The following FOXN3 variants were observed in gnomAD, a reference collection of about 807,000 sequenced individuals.
The protein encoded by FOXN3 is forkhead box protein N3.
Under a neutral mutation model 38.4 loss-of-function variants are expected in FOXN3, and 7 were observed. That is an observed-to-expected ratio of 0.18 (90% CI 0.10 to 0.34). The LOEUF (loss-of-function observed/expected upper bound fraction) is 0.34. FOXN3 is among the 10% of genes least tolerant of loss of function. The pLI is 1.00. For synonymous variants in FOXN3, 230 were observed against 242.2 expected (o/e 0.95, Z 0.47); for missense variants, 456 against 613.4 (o/e 0.74, Z 2.71).
At chr14:89,340,483 G>A (rs1032186035) in intron 3 of FOXN3, among the ~76,000 whole-genome samples, 1 of 152,090 alleles carries the variant, frequency 6.6e-6, no homozygotes, top group African/African-American at 2.4e-5. Flanking sequence ...TGCTTCCCAC[G>A]CTCTTTCCGT....
rs566079794 is a variant in FOXN3 at position 89,484,985 on chromosome 14, C to A, written c.-14-72495G>T. Among the ~76,000 whole-genome samples the A allele has an allele frequency of 9.0e-4, 137 of 152,124 alleles. No homozygotes were observed. The highest frequency in any genetic ancestry group is 3.2e-3 in the African/African-American group (134 of 41,490). On this transcript the variant is annotated intron_variant, in intron 1 of 6. Transcript: ENST00000345097. This position sits in a 1 kb window ranked among gnomAD's most constrained non-coding sequence, Gnocchi z 4.0. ...TGGCCAATATGGTGAAACACCATCTCTACTAAAAATACAAAAATTAGCCGG... is the reference window on the plus strand; with the variant it reads ...TGGCCAATATGGTGAAACACCATCTATACTAAAAATACAAAAATTAGCCGG...
intron 3 of FOXN3, among the ~76,000 whole-genome samples, chr14:89,300,065 T>C (rs1887169679): frequency 6.6e-6 from 1 of 152,168 alleles, no homozygotes; most frequent in African/African-American, 2.4e-5. Flanking sequence ...GTAACACAAT[T>C]CCCTCATTAC....
intron 1 of FOXN3, among the ~76,000 whole-genome samples, chr14:89,442,882 T>C (rs2139698541): frequency 6.6e-6 from 1 of 152,354 alleles, no homozygotes. Context: ...TTAGGTGCTT[T>C]CACACTACAG....
At chr14:89,303,317 T>G (rs186157420) in intron 3 of FOXN3, among the ~76,000 whole-genome samples, 5 of 152,104 alleles carry the variant, frequency 3.3e-5, no homozygotes, top group African/African-American at 1.2e-4. Flanking sequence ...TCTTCCTGCC[T>G]CCCTCCATGC....
intron 1 of FOXN3, among the ~76,000 whole-genome samples, chr14:89,588,438 T>C (rs923108956): frequency 6.6e-6 from 1 of 152,140 alleles, no homozygotes; most frequent in Non-Finnish European, 1.5e-5. Flanking sequence ...CAATGGGTGT[T>C]TGTCAGCTTT....
intron 4 of FOXN3, among the ~76,000 whole-genome samples, chr14:89,186,788 G>A (rs1466648109): frequency 6.6e-6 from 1 of 152,208 alleles, no homozygotes; most frequent in Non-Finnish European, 1.5e-5. Context: ...TTTTTATTAG[G>A]TGCACACTGC....
chr14:89,513,942 G>A (rs867494782), intron 1 of FOXN3, among the ~76,000 whole-genome samples: 102 of 151,050 alleles, frequency 6.8e-4, no homozygotes, highest in African/African-American at 2.4e-3. Context: ...ACGCACACAC[G>A]CACGCACACA....
At chr14:89,244,503 G>C (rs1164545224) in intron 4 of FOXN3, among the ~76,000 whole-genome samples, 1 of 152,140 alleles carries the variant, frequency 6.6e-6, no homozygotes, top group Non-Finnish European at 1.5e-5. Context: ...ACTTTTTCTA[G>C]GTCTGTTGAC....
chr14:89,588,426 A>G (rs1895888745), intron 1 of FOXN3, among the ~76,000 whole-genome samples: 1 of 152,252 alleles, frequency 6.6e-6, no homozygotes. Context: ...GTAAAAATTC[A>G]GCAATGGGTG....
intron 1 of FOXN3, among the ~76,000 whole-genome samples, chr14:89,543,996 T>C (rs544732635): frequency 6.6e-6 from 1 of 152,158 alleles, no homozygotes; most frequent in Non-Finnish European, 1.5e-5. Context: ...GTCAAATGCA[T>C]CTTTATGCCT....
At position 89,530,378 on chromosome 14, in the gene FOXN3, C is replaced by T. The variant is rs10220524; in HGVS notation, c.-15+88650G>A. Reference sequence around the variant, plus strand: ...ATGGCAGCAGGCAAGAGAGCATGATCGGGGAACTCCCCTTTATAAAACCAT... The same window carrying T: ...ATGGCAGCAGGCAAGAGAGCATGATTGGGGAACTCCCCTTTATAAAACCAT... On this transcript the variant is annotated intron_variant, in intron 1 of 6. Coordinates refer to the FOXN3 transcript ENST00000345097. 3.9e-3 allele frequency among the ~76,000 whole-genome samples: 596 copies of T among 152,216 alleles called. 5 individuals are homozygous for T. Among genetic ancestry groups the T allele is most frequent in the African/African-American group, 0.014 (572 of 41,508 alleles).
chr14:89,255,448 C>T (rs533458905), intron 4 of FOXN3, among the ~76,000 whole-genome samples: 5 of 152,024 alleles, frequency 3.3e-5, no homozygotes, highest in East Asian at 1.9e-4. Flanking sequence ...CGGTGTCAGA[C>T]GCAACAGTAC....
At chr14:89,539,155 T>C (rs1231545656) in intron 1 of FOXN3, among the ~76,000 whole-genome samples, 1 of 152,220 alleles carries the variant, frequency 6.6e-6, no homozygotes, top group Middle Eastern at 3.2e-3. Flanking sequence ...TTCTTTTTTT[T>C]ATTTTTAAAA....
chr14:89,436,945 G>A (rs911069737), intron 1 of FOXN3, among the ~76,000 whole-genome samples: 4 of 152,106 alleles, frequency 2.6e-5, no homozygotes, highest in African/African-American at 7.2e-5. Flanking sequence ...TCAGGAATTC[G>A]AGACCAGCCT....
intron 2 of FOXN3, chr14:89,356,421 T>A (rs1406762618): frequency 6.6e-6 from 1 of 151,656 alleles, no homozygotes; most frequent in Non-Finnish European, 1.5e-5. Flanking sequence ...TAATAATAAT[T>A]AAATTAAATT....
intron 2 of FOXN3, among the ~76,000 whole-genome samples, chr14:89,381,481 G>A (rs1463342770): frequency 1.5e-5 from 2 of 136,486 alleles, no homozygotes; most frequent in Non-Finnish European, 3.0e-5. Flanking sequence ...AAAGTGTGCT[G>A]CCAAGTCTGG....
At chr14:89,347,102 T>G (rs1888782491) in intron 3 of FOXN3, among the ~76,000 whole-genome samples, 1 of 151,858 alleles carries the variant, frequency 6.6e-6, no homozygotes, top group Non-Finnish European at 1.5e-5. Flanking sequence ...AGGGTTGCTA[T>G]GGGGTGATTT....
chr14:89,351,592 A>G (rs1888974004), intron 2 of FOXN3, among the ~76,000 whole-genome samples: 1 of 152,222 alleles, frequency 6.6e-6, no homozygotes, highest in Non-Finnish European at 1.5e-5. Flanking sequence ...ATTTTTAAAA[A>G]TGTAAGTCCT....
At chr14:89,349,402 C>T (rs1480514351) in intron 3 of FOXN3, 1 of 152,276 alleles carries the variant, frequency 6.6e-6, no homozygotes, top group African/African-American at 2.4e-5. Context: ...AACCTTCCCC[C>T]CCACACACCA....
Sources: allele counts gnomAD v4.1 joint callset (sites outside exome capture counted in the v4.1 genomes callset), GRCh38; gene constraint gnomAD v4.1.1; non-coding constraint Gnocchi (gnomAD v3.1); transcripts MANE v1.5; gene names NCBI Gene and HGNC (gene_info 2026-07-23, HGNC 2026-07-21).